Variants in DLG1 observed in about 807,000 individuals in gnomAD.
The protein encoded by DLG1 is discs large MAGUK scaffold protein 1.
In DLG1, 42 loss-of-function variants were observed where a neutral mutation model predicts 123.4. That is an observed-to-expected ratio of 0.34 (90% confidence interval 0.27 to 0.44). The LOEUF (loss-of-function observed/expected upper bound fraction) is 0.44. Ranked by LOEUF, DLG1 falls within the 20% of genes least tolerant of loss-of-function variation. The pLI is 1.00. For missense variants in DLG1, 942 were observed against 1,082.6 expected (o/e 0.87, Z 1.82); for synonymous variants, 317 against 356.2 (o/e 0.89, Z 1.24).
In DLG1 at chr3:197,294,210, C is replaced by T. The variant is rs374779229; in HGVS notation, c.151+2136G>A. On this transcript the variant is annotated intron_variant, in intron 3 of 24. Transcript: ENST00000667157. ...TTAAACGTTATCTATTTCAAAACTCCTAAAATCTATTACTTGTCTTACACC... is the reference window on the plus strand; with the variant it reads ...TTAAACGTTATCTATTTCAAAACTCTTAAAATCTATTACTTGTCTTACACC... Among the ~76,000 whole-genome samples the T allele has an allele frequency of 1.0e-3, 152 of 152,172 alleles. No homozygotes were observed. The South Asian group carries it at 0.031, about 31-fold the overall frequency.
intron 11 of DLG1, among the ~76,000 whole-genome samples, chr3:197,123,174 G>A (rs1777314215): frequency 1.3e-5 from 2 of 152,078 alleles, no homozygotes; most frequent in African/African-American, 4.8e-5. Context: ...ACCTAAATGT[G>A]AAAGGCAAAA....
intron 19 of DLG1, among the ~76,000 whole-genome samples, chr3:197,067,745 T>C (rs957086599): frequency 3.9e-5 from 6 of 152,152 alleles, no homozygotes; most frequent in Middle Eastern, 3.4e-3. Flanking sequence ...TTAGTAAAGA[T>C]AGGGTTTCTC....
intron 17 of DLG1, among the ~76,000 whole-genome samples, chr3:197,078,978 G>A (rs1481746191): frequency 2.6e-5 from 4 of 152,150 alleles, no homozygotes; most frequent in Non-Finnish European, 2.9e-5. Context: ...ATAGGACAGA[G>A]AGAAATGCTT....
At chr3:197,093,994 G>T (rs1466696876) in intron 14 of DLG1, among the ~76,000 whole-genome samples, 1 of 152,110 alleles carries the variant, frequency 6.6e-6, no homozygotes, top group African/African-American at 2.4e-5. Context: ...CTTTTGCCTG[G>T]TTCTTCTGTA....
rs1458023342 is a variant in DLG1, at chr3:197,176,980, TTTTA to T, written c.483+17441_483+17444del. ...TTTTATTTTTATTTTTTATATTATT[TTTTA>T]TTTATTTTTATTTATTGTACAAATG... On this transcript the variant is annotated intron_variant, in intron 5 of 24. Transcript: ENST00000667157. Among the ~76,000 whole-genome samples, 49 of 151,460 alleles carry T rather than the reference TTTTA, an allele frequency of 3.2e-4. No homozygotes were observed. In the Middle Eastern group the frequency reaches 0.02, roughly 63 times the overall value.
At chr3:197,082,155 A>G (rs377608744) in intron 16 of DLG1, among the ~76,000 whole-genome samples, 1 of 151,992 alleles carries the variant, frequency 6.6e-6, no homozygotes, top group East Asian at 1.9e-4. Flanking sequence ...GTGGATCACA[A>G]GGTCAGGAGT....
At chr3:197,113,949 G>GA (rs1771582741) in intron 13 of DLG1, among the ~76,000 whole-genome samples, 2 of 152,008 alleles carry the variant, frequency 1.3e-5, no homozygotes, top group South Asian at 4.2e-4. Context: ...TTGTGCCTGT[G>GA]AATAGCCACT....
At position 197,044,565 on chromosome 3, in the gene DLG1, CAA is replaced by C; in HGVS notation, c.*56_*57del. 4.1e-6 allele frequency: 5 copies of C among 1,229,362 alleles called. No homozygotes were observed. The highest frequency in any genetic ancestry group is 5.9e-6 in the Non-Finnish European group (5 of 844,654). The allele number at this position is 1,229,362 out of a possible 1,614,324, so 76.2% of individuals were successfully genotyped here. ...TCAAGAAAGACTCCAGAGGAAAGGGCAAAGAGATGCCAAAGAAAATGGAATTG... is the reference window on the plus strand; with the variant it reads ...TCAAGAAAGACTCCAGAGGAAAGGGCAGAGATGCCAAAGAAAATGGAATTG... On this transcript the variant is annotated 3_prime_UTR_variant, in exon 25 of 25. Coordinates refer to ENST00000667157, the MANE Select transcript of DLG1 (RefSeq NM_001366207.1).
chr3:197,138,045 T>C (rs1199107413), intron 9 of DLG1, among the ~76,000 whole-genome samples, 177 bp downstream of exon 9: 1 of 151,444 alleles, frequency 6.6e-6, no homozygotes, highest in African/African-American at 2.4e-5. Context: ...AATGTAAATA[T>C]TCTAAAATGC....
At chr3:197,068,299 A>G (rs1276646503) in intron 19 of DLG1, among the ~76,000 whole-genome samples, 6 of 152,108 alleles carry the variant, frequency 3.9e-5, no homozygotes, top group Non-Finnish European at 8.8e-5. Flanking sequence ...ACCTCTTTTT[A>G]GCCTAGAAAG....
In DLG1 at chr3:197,217,532, C is replaced by A. The variant is rs193001831; in HGVS notation, c.319-22943G>T. ...GTGGTTATTTACATTCAAAGAATAC[C>A]ACACATTTTGGGTACAAACATCTTC... On this transcript the variant is annotated intron_variant, in intron 4 of 24. Coordinates refer to ENST00000667157, the MANE Select transcript of DLG1 (RefSeq NM_001366207.1). Among the ~76,000 whole-genome samples the A allele has an allele frequency of 1.7e-3, 266 of 152,076 alleles. 2 individuals are homozygous for A. The highest frequency in any genetic ancestry group is 6.0e-3 in the African/African-American group (248 of 41,490).
intron 5 of DLG1, among the ~76,000 whole-genome samples, chr3:197,175,629 A>G (rs961554389): frequency 1.3e-5 from 2 of 152,230 alleles, no homozygotes; most frequent in African/African-American, 4.8e-5. Flanking sequence ...TAACACCTGT[A>G]TAACATCTGT....
At chr3:197,268,901 A>C (rs1335466125) in intron 4 of DLG1, among the ~76,000 whole-genome samples, 3 of 145,572 alleles carry the variant, frequency 2.1e-5, no homozygotes, top group African/African-American at 8.1e-5. Flanking sequence ...GTTAAAAACA[A>C]ACACACACAC....
At chr3:197,129,702 C>T (rs1414528966) in intron 11 of DLG1, among the ~76,000 whole-genome samples, 1 of 152,170 alleles carries the variant, frequency 6.6e-6, no homozygotes, top group Non-Finnish European at 1.5e-5. Context: ...CAACTTTTCA[C>T]TTGAGCACTC....
chr3:197,161,701 G>C (rs375133714), intron 5 of DLG1: 188 of 1,578,744 alleles, frequency 1.2e-4, no homozygotes, highest in Non-Finnish European at 1.5e-4. Flanking sequence ...AGGGATCACA[G>C]GGACAGTGGG....
chr3:197,170,261 T>C (rs937901571), intron 5 of DLG1, among the ~76,000 whole-genome samples: 5 of 152,214 alleles, frequency 3.3e-5, no homozygotes, highest in Non-Finnish European at 7.3e-5. Flanking sequence ...TTATATTCCT[T>C]TGAGTATACA....
At chr3:197,242,892 G>C (rs1749678935) in intron 4 of DLG1, among the ~76,000 whole-genome samples, 1 of 152,126 alleles carries the variant, frequency 6.6e-6, no homozygotes, top group African/African-American at 2.4e-5. Context: ...CTTGAGACCA[G>C]GAGTTCAAGA....
chr3:197,211,297 C>T (rs577516733), intron 4 of DLG1, among the ~76,000 whole-genome samples: 5 of 146,380 alleles, frequency 3.4e-5, no homozygotes, highest in African/African-American at 1.2e-4. Flanking sequence ...TTCTATGAGG[C>T]CAGCATCATC....
intron 6 of DLG1, among the ~76,000 whole-genome samples, 184 bp downstream of exon 6, chr3:197,149,559 A>C (rs1310602044): frequency 1.3e-5 from 2 of 152,182 alleles, no homozygotes; most frequent in Admixed American, 6.5e-5. Context: ...AAAAGGAAAA[A>C]AAAATGACCA....
Sources: allele counts gnomAD v4.1 joint callset (sites outside exome capture counted in the v4.1 genomes callset), GRCh38; gene constraint gnomAD v4.1.1; transcripts MANE v1.5; gene names NCBI Gene and HGNC (gene_info 2026-07-23, HGNC 2026-07-21).